The following MSLN variants were observed in gnomAD, a reference collection of about 807,000 sequenced individuals.
MSLN encodes mesothelin, also known as CAK1 antigen.
In MSLN, 82 loss-of-function variants were observed where a neutral mutation model predicts 72.6. The observed-to-expected ratio is 1.13, with a 90% CI of 0.94 to 1.36. The LOEUF (loss-of-function observed/expected upper bound fraction) is 1.36. Among genes scored for constraint, MSLN ranks in the 40% most tolerant of loss-of-function variants. MSLN has a pLI of 0.00. For synonymous variants in MSLN, 456 were observed against 387.3 expected (o/e 1.18, Z -2.08); for missense variants, 1,005 against 847.9 (o/e 1.19, Z -2.30).
In MSLN at chr16:766,471, G is replaced by A; in HGVS notation, c.1211G>A (p.Gly404Glu). 1.2e-6 allele frequency: 2 copies of A among 1,612,626 alleles called. No individual in the cohort carries two copies. The highest frequency in any genetic ancestry group is 1.7e-6 in the Non-Finnish European group (2 of 1,179,896). ...TLKALLEVNK[G>E]HEMSPQVATL... ...AAGGCTTTGCTTGAAGTCAACAAAG[G>A]GCACGAAATGAGTCCTCAGGTGACC... Residue 404 changes from glycine to glutamate, a missense_variant, in exon 13 of 18, where the codon GGG (glycine) becomes GAG (glutamate). Coordinates refer to ENST00000545450, the MANE Select transcript of MSLN (RefSeq NM_005823.6).
At chr16:768,292 C>T in intron 16 of MSLN, 87 bp from the exon 17 acceptor site, 1 of 1,356,108 alleles carries the variant, frequency 7.4e-7, no homozygotes. Context: ...GTGGGTGGGG[C>T]AGTTTGGACA....
In MSLN at chr16:764,992, G is replaced by C. The variant is rs149194821; in HGVS notation, c.466G>C (p.Ala156Pro). The C allele has an allele frequency of 1.9e-6, 3 of 1,612,286 alleles. No individual in the cohort carries two copies. The highest frequency in any genetic ancestry group is 2.5e-6 in the Non-Finnish European group (3 of 1,179,702). Reference sequence around the variant, plus strand: ...CAATGTGGACCTGCTCCCGAGGGGGGCTCCCGAGCGACAGCGGCTGCTGCC... The same window carrying C: ...CAATGTGGACCTGCTCCCGAGGGGGCCTCCCGAGCGACAGCGGCTGCTGCC... ...KANVDLLPRG[A>P]PERQRLLPAA... The change falls in exon 8 of 18, where the codon GCT becomes CCT. Residue 156 changes from alanine (A) to proline (P), a missense_variant. Physicochemically the swap from Ala to Pro is conservative, Grantham distance 27. Transcript: ENST00000545450.
Position 766,088 on chromosome 16 carries a change from C to A in MSLN, c.925C>A (p.Arg309Ser). Reference protein sequence around the residue: ...KTACPSGKKAREIDESLIFYK... With the variant: ...KTACPSGKKASEIDESLIFYK... The stretch of plus-strand genomic sequence containing the variant: ...AGCCTGTCCTTCAGGCAAGAAGGCC[C>A]GCGAGATAGACGAGAGCCTCATCTT... Residue 309 changes from arginine (R) to serine (S), a missense_variant, in exon 12 of 18, where the codon CGC becomes AGC. By Grantham distance (110) the Arg-to-Ser change is moderately radical. Transcript: ENST00000545450. 1 of 1,612,120 alleles carries A rather than the reference C, an allele frequency of 6.2e-7. No homozygotes were observed. Among genetic ancestry groups the A allele is most frequent in the Non-Finnish European group, 8.5e-7 (1 of 1,179,520 alleles).
intron 11 of MSLN, 73 bp downstream of exon 11, chr16:765,863 C>T (rs1567357952): frequency 9.0e-6 from 13 of 1,441,036 alleles, no homozygotes; most frequent in African/African-American, 1.4e-5. Context: ...ACTTTAGGGT[C>T]TCACCTGCCC....
Position 765,532 on chromosome 16 carries a change from C to A in MSLN, c.710C>A (p.Pro237Gln). The A allele has an allele frequency of 6.2e-7, 1 of 1,605,060 alleles. No homozygotes were observed. Among genetic ancestry groups the A allele is most frequent in the Admixed American group, 1.7e-5 (1 of 59,850 alleles). Residue 237 changes from proline (P) to glutamine (Q), a missense_variant, in exon 10 of 18, where the codon CCG becomes CAG. Coordinates refer to ENST00000545450, the MANE Select transcript of MSLN (RefSeq NM_005823.6). ...TGTGTCCCGTGTCTGCACAGCCCCC[C>A]GTCGACATGGTCTGTCTCCACGATG... ...LQGGGPPYGP[P>Q]STWSVSTMDA... is the part of the protein sequence containing the mutation.
At position 766,686 on chromosome 16, in the gene MSLN, C is replaced by T. The variant is rs186022569; in HGVS notation, c.1249C>T (p.Arg417Cys). Residue 417 changes from arginine (R) to cysteine (C), a missense_variant, in exon 14 of 18, where the codon CGC becomes TGC. By Grantham distance (180) the Arg-to-Cys change is radical. Transcript: ENST00000545450. ...CCCACAGGTGGCCACCCTGATCGACCGCTTTGTGAAGGGAAGGGGCCAGCT... is the reference window on the plus strand; with the variant it reads ...CCCACAGGTGGCCACCCTGATCGACTGCTTTGTGAAGGGAAGGGGCCAGCT... ...MSPQVATLIDRFVKGRGQLDK... is the reference protein window; with the variant it reads ...MSPQVATLIDCFVKGRGQLDK... 120 of 1,612,560 alleles carry T rather than the reference C, an allele frequency of 7.4e-5. 1 individual carries two copies. In the Middle Eastern group the frequency reaches 8.3e-4, roughly 11 times the overall value.
intron 2 of MSLN, among the ~76,000 whole-genome samples, chr16:762,245 C>T (rs186683822): frequency 1.2e-3 from 182 of 152,374 alleles, no homozygotes; most frequent in African/African-American, 4.0e-3. Context: ...AAAGCCCAGG[C>T]ACCTGCAGCT....
chr16:763,710 C>G lies in MSLN; in HGVS notation c.179+19C>G. ...TTTCCAGGTGGGTCTGGGGTCCTCACAGTCCTCAAGGGTGAGGCTCGAGGG... is the reference window on the plus strand; with the variant it reads ...TTTCCAGGTGGGTCTGGGGTCCTCAGAGTCCTCAAGGGTGAGGCTCGAGGG... On this transcript the variant is annotated intron_variant, in intron 5 of 17. Coordinates refer to ENST00000545450, the MANE Select transcript of MSLN (RefSeq NM_005823.6). 1.3e-6 allele frequency: 2 copies of G among 1,595,330 alleles called. No homozygotes were observed. The highest frequency in any genetic ancestry group is 1.7e-6 in the Non-Finnish European group (2 of 1,170,122).
At position 767,482 on chromosome 16, in the gene MSLN, G is replaced by GGGAGGAGGGGCGTGT. The variant is rs1567359654; in HGVS notation, c.1596+24_1596+38dup. 2 of 1,570,964 alleles carry GGGAGGAGGGGCGTGT rather than the reference G, an allele frequency of 1.3e-6. No individual in the cohort carries two copies. The highest frequency in any genetic ancestry group is 8.6e-7 in the Non-Finnish European group (1 of 1,164,342). ...CGGATGCGGTGCTGGTATGGCGAGC[G>GGGAGGAGGGGCGTGT]GGAGGAGGGGCGTGTGGAGGAGGGG... is the stretch of plus-strand genomic sequence containing the variant. On this transcript the variant is annotated intron_variant, in intron 16 of 17. Transcript: ENST00000545450.
intron 3 of MSLN, 87 bp downstream of exon 3, chr16:762,852 G>A (rs536793899): frequency 1.5e-3 from 1,754 of 1,154,970 alleles, no homozygotes; most frequent in Non-Finnish European, 1.8e-3. Context: ...GCCTGCCCCT[G>A]CCTTCTCCCT....
chr16:766,699 G>A lies in MSLN; in HGVS notation c.1262G>A (p.Gly421Glu). The A allele has an allele frequency of 6.2e-7, 1 of 1,612,578 alleles. No homozygotes were observed. The highest frequency in any genetic ancestry group is 8.5e-7 in the Non-Finnish European group (1 of 1,179,884). ...VATLIDRFVK[G>E]RGQLDKDTLD... ...ACCCTGATCGACCGCTTTGTGAAGG[G>A]AAGGGGCCAGCTAGACAAAGACACC... The change falls in exon 14 of 18, where the codon GGA (glycine) becomes GAA (glutamate). Residue 421 changes from glycine to glutamate, a missense_variant. By Grantham distance (98) the Gly-to-Glu change is moderately conservative (BLOSUM62 -2). Coordinates refer to ENST00000545450, the MANE Select transcript of MSLN (RefSeq NM_005823.6).
At chr16:767,529 G>T in intron 16 of MSLN, 59 bp downstream of exon 16, 1 of 1,116,658 alleles carries the variant, frequency 9.0e-7, no homozygotes, top group Non-Finnish European at 1.2e-6. Flanking sequence ...GGGGCGAGTG[G>T]GAGGAGGGGC....
Position 766,042 on chromosome 16 carries a change from A to ACCCCTGT in MSLN, c.896-16_896-10dup, listed in dbSNP as rs761312987. The ACCCCTGT allele has an allele frequency of 2.3e-5, 36 of 1,592,846 alleles. 1 individual carries two copies. In the South Asian group the frequency reaches 3.6e-4, roughly 16 times the overall value. On this transcript the variant is annotated splice_polypyrimidine_tract_variant and intron_variant, in intron 11 of 17. Coordinates refer to ENST00000545450, the MANE Select transcript of MSLN (RefSeq NM_005823.6). Reference sequence around the variant, plus strand: ...AAACGAACTCCGGCCCTGACCCCTGACCCCTGTGCCCTGCAGAGACAGCCT... The same window carrying ACCCCTGT: ...AAACGAACTCCGGCCCTGACCCCTGACCCCTGTCCCCTGTGCCCTGCAGAGACAGCCT...
At position 768,643 on chromosome 16, in the gene MSLN, T is replaced by TAGAGGCCCTCTCTCC; in HGVS notation, c.1784-5_1784-4insAGAGGCCCTCTCTCC. The TAGAGGCCCTCTCTCC allele has an allele frequency of 1.2e-6, 2 of 1,610,854 alleles. No individual in the cohort carries two copies. The highest frequency in any genetic ancestry group is 2.2e-5 in the South Asian group (2 of 91,056). On this transcript the variant is annotated splice_region_variant and splice_polypyrimidine_tract_variant and intron_variant, in intron 17 of 17. Transcript: ENST00000545450. Reference sequence around the variant, plus strand: ...GGGCGCTCTGAGTCACCCCTCTCTCTGTAGAGGCCCTCTCGGGGACGCCCT... The same window carrying TAGAGGCCCTCTCTCC: ...GGGCGCTCTGAGTCACCCCTCTCTCTAGAGGCCCTCTCTCCGTAGAGGCCCTCTCGGGGACGCCCT...
chr16:766,688 C>A lies in MSLN; in HGVS notation c.1251C>A (p.Arg417=). The A allele has an allele frequency of 6.2e-7, 1 of 1,612,592 alleles. No homozygotes were observed. The highest frequency in any genetic ancestry group is 8.5e-7 in the Non-Finnish European group (1 of 1,179,876). ...CACAGGTGGCCACCCTGATCGACCG[C>A]TTTGTGAAGGGAAGGGGCCAGCTAG... ...MSPQVATLID[R]FVKGRGQLDK... The change falls in exon 14 of 18, where the codon CGC becomes CGA. Residue 417 remains arginine (R), a synonymous_variant. Transcript: ENST00000545450.
Position 763,965 on chromosome 16 carries a change from T to A in MSLN, c.180-58T>A, listed in dbSNP as rs923508322. On this transcript the variant is annotated intron_variant, in intron 5 of 17. Coordinates refer to ENST00000545450, the MANE Select transcript of MSLN (RefSeq NM_005823.6). ...TGGGGCTGTGGGGCTTGGGGAGCAC[T>A]GGGTGGACATTGCAGGGGAGGGGCG... The A allele has an allele frequency of 1.3e-5, 20 of 1,585,136 alleles. No homozygotes were observed. The African/African-American group carries it at 2.5e-4, about 20-fold the overall frequency.
chr16:765,694 A>G lies in MSLN; in HGVS notation c.799A>G (p.Ile267Val). 2 of 1,600,876 alleles carry G rather than the reference A, an allele frequency of 1.2e-6. No homozygotes were observed. The highest frequency in any genetic ancestry group is 1.7e-6 in the Non-Finnish European group (2 of 1,179,350). The change falls in exon 11 of 18, where the codon ATC becomes GTC. Residue 267 changes from isoleucine to valine, a missense_variant. By Grantham distance (29) the Ile-to-Val change is conservative (BLOSUM62 3). Coordinates refer to ENST00000545450, the MANE Select transcript of MSLN (RefSeq NM_005823.6). ...QPIIRSIPQG[I>V]VAAWRQRSSR... ...CCCAGGTCCTGCTCGTCCTCAGGGC[A>G]TCGTGGCCGCGTGGCGGCAACGCTC... is the stretch of plus-strand genomic sequence containing the variant.
rs200024018 is a variant in MSLN, at chr16:765,012, G to A, written c.486G>A (p.Leu162=). The A allele has an allele frequency of 1.4e-5, 23 of 1,611,618 alleles. No individual in the cohort carries two copies. The highest frequency in any genetic ancestry group is 1.9e-5 in the Non-Finnish European group (22 of 1,179,492). ...LPRGAPERQR[L]LPAALACWGV... is the part of the protein sequence containing the mutation. ...GGGGGGCTCCCGAGCGACAGCGGCT[G>A]CTGCCTGCGGCTCTGGCCTGCTGGG... The change falls in exon 8 of 18, where the codon CTG becomes CTA. Residue 162 remains leucine, a synonymous_variant. Coordinates refer to ENST00000545450, the MANE Select transcript of MSLN (RefSeq NM_005823.6).
In MSLN at chr16:768,792, G is replaced by C; in HGVS notation, c.*59G>C. ...GGGGATCCCCGCCTGGCCAGGAGCAGGCACGGGTGGTCCCCGTTCCACCCC... is the reference window on the plus strand; with the variant it reads ...GGGGATCCCCGCCTGGCCAGGAGCACGCACGGGTGGTCCCCGTTCCACCCC... On this transcript the variant is annotated 3_prime_UTR_variant, in exon 18 of 18. Transcript: ENST00000545450. 1 of 1,545,248 alleles carries C rather than the reference G, an allele frequency of 6.5e-7. No individual in the cohort carries two copies. Among genetic ancestry groups the C allele is most frequent in the Non-Finnish European group, 8.9e-7 (1 of 1,127,032 alleles).
Sources: gnomAD v4.1 joint callset for allele counts (sites outside exome capture counted in the v4.1 genomes callset) on GRCh38, gnomAD v4.1.1 for gene constraint, MANE v1.5 for transcripts, NCBI Gene and HGNC (gene_info 2026-07-23, HGNC 2026-07-21) for gene names.